The following PCSK1N variants were observed in gnomAD, a reference collection of about 807,000 sequenced individuals.
PCSK1N encodes the protein proprotein convertase subtilisin/kexin type 1 inhibitor, also known as proSAAS.
Under a neutral mutation model 10.6 loss-of-function variants are expected in PCSK1N, and 8 were observed. That is an observed-to-expected ratio of 0.76 (90% CI 0.44 to 1.37). PCSK1N has a LOEUF of 1.37. Ranked by LOEUF, PCSK1N falls within the 40% of genes most tolerant of loss-of-function variation. PCSK1N has a pLI of 0.00. For missense variants in PCSK1N, 301 were observed against 268.5 expected, an observed-to-expected ratio of 1.12 and a Z score of -0.84; for synonymous variants, 143 against 137.1, an observed-to-expected ratio of 1.04 and a Z score of -0.30.
intron 1 of PCSK1N, among the ~76,000 whole-genome samples, chrX:48,833,692 T>C (rs148397899): frequency 0.012 from 1,307 of 111,715 alleles, 21 homozygotes; most frequent in African/African-American, 0.041. Flanking sequence ...TCGTGAAAGA[T>C]GACAGCAGCA....
At position 48,835,518 on chromosome X, in the gene PCSK1N, C is replaced by A; in HGVS notation, c.15G>T (p.Pro5=). 1 of 911,299 alleles carries A rather than the reference C, an allele frequency of 1.1e-6. No homozygotes were observed. 75.1% of individuals were successfully genotyped at this position (911,299 alleles called of 1,213,427 possible). The part of the protein sequence containing the change: MAGS[P]LLWGPRAGGV... ...CCCCGGCCCGCGGCCCCCAGAGCAGCGGCGACCCCGCCATGCTGCCCCAGC... is the reference window on the plus strand; with the variant it reads ...CCCCGGCCCGCGGCCCCCAGAGCAGAGGCGACCCCGCCATGCTGCCCCAGC... The change falls in exon 1 of 3, where the codon CCG becomes CCT. Residue 5 remains proline, a synonymous_variant. Transcript: ENST00000218230.
rs1046300820 is a variant in PCSK1N at position 48,832,268 on chromosome X, A to G, written c.188T>C (p.Val63Ala). 19 of 1,149,919 alleles carry G rather than the reference A, an allele frequency of 1.7e-5. No homozygotes were observed. Among genetic ancestry groups the G allele is most frequent in the Non-Finnish European group, 2.2e-5 (19 of 868,595 alleles). The allele number at this position is 1,149,919 out of a possible 1,213,427, so 94.8% of individuals were successfully genotyped here. Residue 63 changes from valine (V) to alanine (A), a missense_variant, in exon 2 of 3, where the codon GTG becomes GCG. Transcript: ENST00000218230. The stretch of plus-strand genomic sequence containing the variant: ...CGCCCCCGCCGCCTCACCTCGGGGC[A>G]CTGACCGCCGGAAGCGGCGAGGAGC... ...TGAPRRFRRSVPRGEAAGAVQ... is the reference protein window; with the variant it reads ...TGAPRRFRRSAPRGEAAGAVQ...
In PCSK1N at chrX:48,832,177, G is replaced by C. The variant is rs782405745; in HGVS notation, c.279C>G (p.Ala93=). The C allele has an allele frequency of 4.3e-6, 5 of 1,151,403 alleles. No individual in the cohort carries two copies. In the South Asian group the frequency reaches 5.8e-5, roughly 13 times the overall value. The allele number at this position is 1,151,403 out of a possible 1,213,427, so 94.9% of individuals were successfully genotyped here. ...LEAERQERAR[A]EAQEAEDQQA... is the part of the protein sequence containing the mutation. ...GCTGATCCTCAGCCTCCTGCGCCTC[G>C]GCCCGCGCCCGCTCCTGACGTTCGG... Residue 93 remains alanine, a synonymous_variant, in exon 2 of 3, where the codon GCC becomes GCG. Coordinates refer to ENST00000218230, the MANE Select transcript of PCSK1N (RefSeq NM_013271.5).
In PCSK1N at chrX:48,831,225, T is replaced by G; in HGVS notation, c.*35A>C. ...CTGGTGGCGGGATGGCGGGGGCACT[T>G]CTGGGTCCCAGGGTGCACGGGATCC... On this transcript the variant is annotated 3_prime_UTR_variant, in exon 3 of 3. Transcript: ENST00000218230. 1 of 1,106,921 alleles carries G rather than the reference T, an allele frequency of 9.0e-7. No individual in the cohort carries two copies. Among genetic ancestry groups the G allele is most frequent in the South Asian group, 2.1e-5 (1 of 47,560 alleles). 91.2% of individuals were successfully genotyped at this position (1,106,921 alleles called of 1,213,427 possible). A position where few individuals can be genotyped will look rare whatever the true frequency, so the allele number is the denominator to read the frequency against.
chrX:48,832,654 TG>T (rs2063177131), intron 1 of PCSK1N, among the ~76,000 whole-genome samples: 1 of 106,590 alleles, frequency 9.4e-6, no homozygotes, highest in Non-Finnish European at 1.9e-5. Flanking sequence ...AGAGTAGTGA[TG>T]GTAGATATGA....
Position 48,835,407 on chromosome X carries a change from C to A in PCSK1N, c.114+12G>T, listed in dbSNP as rs1557034011. 16 of 819,541 alleles carry A rather than the reference C, an allele frequency of 2.0e-5. No homozygotes were observed. Among genetic ancestry groups the A allele is most frequent in the Non-Finnish European group, 2.5e-5 (16 of 646,168 alleles). 67.5% of individuals were successfully genotyped at this position (819,541 alleles called of 1,213,427 possible). A position where few individuals can be genotyped will look rare whatever the true frequency, so the allele number is the denominator to read the frequency against. On this transcript the variant is annotated intron_variant, in intron 1 of 2. Coordinates refer to ENST00000218230, the MANE Select transcript of PCSK1N (RefSeq NM_013271.5). Reference sequence around the variant, plus strand: ...CCCCCAACCCCCACCCCTCGCCGGACTGGGGTCGCACCTTTACCGGCCGCG... The same window carrying A: ...CCCCCAACCCCCACCCCTCGCCGGAATGGGGTCGCACCTTTACCGGCCGCG...
intron 1 of PCSK1N, among the ~76,000 whole-genome samples, chrX:48,833,355 T>C (rs1313286614): frequency 8.9e-6 from 1 of 112,366 alleles, no homozygotes; most frequent in African/African-American, 3.2e-5. Flanking sequence ...CCAGCGTGCA[T>C]GACAGAGGAA....
chrX:48,832,762 T>C (rs1233413900), intron 1 of PCSK1N, among the ~76,000 whole-genome samples: 1 of 111,165 alleles, frequency 9.0e-6, no homozygotes, highest in Non-Finnish European at 1.9e-5. Context: ...AGTTCATCTG[T>C]AGAATAAATT....
At chrX:48,832,395 G>T in intron 1 of PCSK1N, 54 bp from the exon 2 acceptor site, 1 of 982,833 alleles carries the variant, frequency 1.0e-6, no homozygotes. Context: ...TCGAGACAGG[G>T]ACCCCCAGCC....
intron 1 of PCSK1N, 65 bp from the exon 2 acceptor site, chrX:48,832,406 C>T: frequency 1.1e-6 from 1 of 922,886 alleles, no homozygotes; most frequent in Admixed American, 3.9e-5. Context: ...ACCCCCAGCC[C>T]GGGAAGCTTC....
At chrX:48,833,370 C>G (rs1055037877) in intron 1 of PCSK1N, among the ~76,000 whole-genome samples, 8 of 112,232 alleles carry the variant, frequency 7.1e-5, no homozygotes, top group Admixed American at 9.5e-5. Context: ...GAGGAAGACC[C>G]TGTCTCTAAC....
At chrX:48,833,280 G>T (rs1213013601) in intron 1 of PCSK1N, among the ~76,000 whole-genome samples, 1 of 112,190 alleles carries the variant, frequency 8.9e-6, no homozygotes, top group African/African-American at 3.2e-5. Flanking sequence ...GGGAAGATGA[G>T]GTGGGAGGAT....
At chrX:48,834,686 G>A in intron 1 of PCSK1N, 2 of 159,902 alleles carry the variant, frequency 1.3e-5, no homozygotes, top group South Asian at 2.8e-4. Flanking sequence ...TCAGGAACAC[G>A]CAAACGAAAT....
Position 48,835,440 on chromosome X carries a change from C to T in PCSK1N, c.93G>A (p.Ala31=). 1.1e-6 allele frequency: 1 copy of T among 951,414 alleles called. No homozygotes were observed. Among genetic ancestry groups the T allele is most frequent in the South Asian group, 4.4e-5 (1 of 22,752 alleles). The allele number at this position is 951,414 out of a possible 1,213,427, so 78.4% of individuals were successfully genotyped here. The change falls in exon 1 of 3, where the codon GCG becomes GCA. Residue 31 remains alanine, a synonymous_variant. Coordinates refer to ENST00000218230, the MANE Select transcript of PCSK1N (RefSeq NM_013271.5). ...GCACCTTTACCGGCCGCGCGCAGAGCGCGGGGGGCGGCCGAAACAGGCCGA... is the reference window on the plus strand; with the variant it reads ...GCACCTTTACCGGCCGCGCGCAGAGTGCGGGGGGCGGCCGAAACAGGCCGA... ...LLLGLFRPPP[A]LCARPVKEPR...
intron 2 of PCSK1N, 95 bp from the exon 3 acceptor site, chrX:48,831,550 A>T (rs2063172752): frequency 1.5e-6 from 1 of 677,902 alleles, no homozygotes; most frequent in Non-Finnish European, 2.0e-6. Context: ...CCACAACCAC[A>T]TACTGCCTGG....
At position 48,831,945 on chromosome X, in the gene PCSK1N, A is replaced by G; in HGVS notation, c.511T>C (p.Tyr171His). ...AAALRPRPPVYDDGPAGPDAE... is the reference protein window; with the variant it reads ...AAALRPRPPVHDDGPAGPDAE... ...TCCGGGCCCGCGGGGCCGTCGTCGT[A>G]GACCGGGGGCCGGGGTCGGAGCGCC... Residue 171 changes from tyrosine to histidine, a missense_variant, in exon 2 of 3, where the codon TAC becomes CAC. By Grantham distance (83) the Tyr-to-His change is moderately conservative. Transcript: ENST00000218230. The G allele has an allele frequency of 9.3e-7, 1 of 1,071,337 alleles. No individual in the cohort carries two copies. The highest frequency in any genetic ancestry group is 1.2e-6 in the Non-Finnish European group (1 of 834,769). The allele number at this position is 1,071,337 out of a possible 1,213,427, so 88.3% of individuals were successfully genotyped here. A position where few individuals can be genotyped will look rare whatever the true frequency, so the allele number is the denominator to read the frequency against.
Position 48,831,126 on chromosome X carries a change from G to A in PCSK1N, c.*134C>T, listed in dbSNP as rs1375938776. 2.0e-6 allele frequency: 1 copy of A among 501,477 alleles called. No individual in the cohort carries two copies. The highest frequency in any genetic ancestry group is 4.4e-5 in the Admixed American group (1 of 22,742). 41.3% of individuals were successfully genotyped at this position (501,477 alleles called of 1,213,427 possible). On this transcript the variant is annotated 3_prime_UTR_variant, in exon 3 of 3. Transcript: ENST00000218230. ...CAGATCATGTTTATTGTGGGGCCAG[G>A]GGGTAGGGATCCTCGGGTGAGAGGG... is the stretch of plus-strand genomic sequence containing the variant.
At position 48,832,228 on chromosome X, in the gene PCSK1N, C is replaced by T. The variant is rs2063175605; in HGVS notation, c.228G>A (p.Ala76=). The change falls in exon 2 of 3, where the codon GCG becomes GCA. Residue 76 remains alanine (A), a synonymous_variant. Transcript: ENST00000218230. ...GEAAGAVQEL[A]RALAHLLEAE... is the part of the protein sequence containing the mutation. ...CCTCCAGCAGATGCGCCAGCGCCCG[C>T]GCCAGCTCCTGCACCGCCCCCGCCG... The T allele has an allele frequency of 8.7e-7, 1 of 1,153,343 alleles. No individual in the cohort carries two copies. The highest frequency in any genetic ancestry group is 1.8e-5 in the African/African-American group (1 of 55,123).
intron 1 of PCSK1N, among the ~76,000 whole-genome samples, chrX:48,834,020 A>G (rs933793075): frequency 3.6e-5 from 4 of 111,772 alleles, no homozygotes; most frequent in Non-Finnish European, 7.5e-5. Context: ...ATTCCGTTTC[A>G]ATGATGTTCA....
Sources: gnomAD v4.1 joint callset for allele counts (sites outside exome capture counted in the v4.1 genomes callset) on GRCh38, gnomAD v4.1.1 for gene constraint, MANE v1.5 for transcripts, NCBI Gene and HGNC (gene_info 2026-07-23, HGNC 2026-07-21) for gene names.